Variants in IL15 observed in about 807,000 individuals in gnomAD.
IL15 encodes the protein interleukin-15.
A neutral mutation model predicts 19.6 loss-of-function variants in IL15; 11 were observed. That is an observed-to-expected ratio of 0.56 (90% CI 0.35 to 0.93). IL15 has a LOEUF of 0.93. IL15 is among the 40% of genes least tolerant of loss of function. IL15 has a pLI of 0.01. For synonymous variants in IL15, 58 were observed against 59.6 expected, an observed-to-expected ratio of 0.97 and a Z score of 0.12; for missense variants, 197 against 186.5, an observed-to-expected ratio of 1.06 and a Z score of -0.33.
At chr4:141,636,781 G>A (rs1425801874) in intron 1 of IL15, 33 bp downstream of exon 1, 1 of 152,336 alleles carries the variant, frequency 6.6e-6, no homozygotes, top group Non-Finnish European at 1.5e-5. Flanking sequence ...CTTGGGAGGG[G>A]AGTGGTGGTG....
At chr4:141,655,850 CAT>C (rs916906037) in intron 1 of IL15, among the ~76,000 whole-genome samples, 1 of 152,148 alleles carries the variant, frequency 6.6e-6, no homozygotes, top group Non-Finnish European at 1.5e-5. Flanking sequence ...CACTTGACAT[CAT>C]GTGTGCTTTG....
chr4:141,724,839 C>A (rs1018408595), intron 5 of IL15, among the ~76,000 whole-genome samples: 2 of 152,114 alleles, frequency 1.3e-5, no homozygotes, highest in Non-Finnish European at 2.9e-5. Flanking sequence ...TTCAAGCCTG[C>A]TGGTTACACT....
chr4:141,682,931 G>A (rs1728581657), intron 2 of IL15, among the ~76,000 whole-genome samples: 1 of 151,780 alleles, frequency 6.6e-6, no homozygotes, highest in Non-Finnish European at 1.5e-5. Context: ...CAACCTGGGC[G>A]ACAAAGCGAG....
At chr4:141,664,348 C>CAG (rs750125961) in intron 2 of IL15, among the ~76,000 whole-genome samples, 1 of 119,414 alleles carries the variant, frequency 8.4e-6, no homozygotes, top group Non-Finnish European at 1.7e-5. Context: ...GCAAAACACA[C>CAG]ACACACACAC....
rs1264675935 is a variant in IL15, at chr4:141,733,014, A to G, written c.*166A>G. 2 of 1,084,486 alleles carry G rather than the reference A, an allele frequency of 1.8e-6. No homozygotes were observed. The highest frequency in any genetic ancestry group is 2.0e-5 in the South Asian group (1 of 49,530). The allele number at this position is 1,084,486 out of a possible 1,614,324, so 67.2% of individuals were successfully genotyped here. ...TGAACTCTTAGAAATGAAGGCAGAA[A>G]AATGTCATTGAGTAATATAGTGACT... On this transcript the variant is annotated 3_prime_UTR_variant, in exon 8 of 8. Coordinates refer to ENST00000320650, the MANE Select transcript of IL15 (RefSeq NM_000585.5).
chr4:141,723,294 A>G (rs186571863), intron 5 of IL15, among the ~76,000 whole-genome samples: 1 of 152,322 alleles, frequency 6.6e-6, no homozygotes, highest in Non-Finnish European at 1.5e-5. Flanking sequence ...AATTAATGAA[A>G]TTAAGATGAG....
chr4:141,722,291 T>C (rs1730115514), intron 5 of IL15, among the ~76,000 whole-genome samples: 2 of 152,174 alleles, frequency 1.3e-5, no homozygotes, highest in African/African-American at 4.8e-5. Context: ...TGGTGGCACC[T>C]GCAGGGAGAA....
rs542154266 is a variant in IL15, at chr4:141,732,923, C to T, written c.*75C>T. 8.7e-5 allele frequency: 133 copies of T among 1,530,876 alleles called. No homozygotes were observed. The highest frequency in any genetic ancestry group is 4.4e-4 in the South Asian group (34 of 76,598). 94.8% of individuals were successfully genotyped at this position (1,530,876 alleles called of 1,614,324 possible). A position where few individuals can be genotyped will look rare whatever the true frequency, so the allele number is the denominator to read the frequency against. On this transcript the variant is annotated 3_prime_UTR_variant, in exon 8 of 8. Coordinates refer to ENST00000320650, the MANE Select transcript of IL15 (RefSeq NM_000585.5). ...TGCTGCTTAGACATAACAAAACACT[C>T]GGCATTTCAAATGTGCTGTCAAAAC...
At chr4:141,721,626 C>G in intron 4 of IL15, 2 of 523,188 alleles carry the variant, frequency 3.8e-6, no homozygotes, top group Non-Finnish European at 7.0e-6. Context: ...TGCCACACAT[C>G]TGGCACTGCT....
chr4:141,693,466 T>G (rs920333209), intron 2 of IL15, among the ~76,000 whole-genome samples: 12 of 152,210 alleles, frequency 7.9e-5, no homozygotes, highest in Admixed American at 5.9e-4. Context: ...ATACGGGATA[T>G]TCAGTAAATA....
At chr4:141,637,610 T>C (rs1464479703) in intron 1 of IL15, among the ~76,000 whole-genome samples, 2 of 152,184 alleles carry the variant, frequency 1.3e-5, no homozygotes, top group African/African-American at 4.8e-5. Flanking sequence ...TATAGTTCAT[T>C]TGACTTTATG....
At chr4:141,685,111 C>A (rs186763349) in intron 2 of IL15, among the ~76,000 whole-genome samples, 1 of 151,974 alleles carries the variant, frequency 6.6e-6, no homozygotes, top group Non-Finnish European at 1.5e-5. Flanking sequence ...ATGTACGTTG[C>A]GATGTTATAC....
At chr4:141,651,497 T>C (rs972590919) in intron 1 of IL15, among the ~76,000 whole-genome samples, 1 of 152,078 alleles carries the variant, frequency 6.6e-6, no homozygotes, top group Admixed American at 6.6e-5. Context: ...ATTATTCTGG[T>C]GATGGTTACA....
chr4:141,693,070 A>C (rs970529290), intron 2 of IL15, among the ~76,000 whole-genome samples: 6 of 142,548 alleles, frequency 4.2e-5, no homozygotes, highest in Non-Finnish European at 7.5e-5. Context: ...GGTAGTTTAT[A>C]AATCAAAGAG....
chr4:141,702,139 A>T (rs1372111698), intron 2 of IL15, among the ~76,000 whole-genome samples: 1 of 152,170 alleles, frequency 6.6e-6, no homozygotes, highest in South Asian at 2.1e-4. Flanking sequence ...GACTTTCTCT[A>T]TTGTGCCCAG....
At position 141,648,463 on chromosome 4, in the gene IL15, C is replaced by T. The variant is rs576599342; in HGVS notation, c.-221-7723C>T. Among the ~76,000 whole-genome samples, 256 of 151,770 alleles carry T rather than the reference C, an allele frequency of 1.7e-3. 1 individual carries two copies. Among genetic ancestry groups the T allele is most frequent in the Non-Finnish European group, 1.9e-3 (126 of 67,900 alleles). ...CTTTCATTTTCTTTATTTTATTTGC[C>T]GAGTATTTTGAGAAGTTATTTCAGT... On this transcript the variant is annotated intron_variant, in intron 1 of 7. Coordinates refer to ENST00000320650, the MANE Select transcript of IL15 (RefSeq NM_000585.5).
intron 2 of IL15, among the ~76,000 whole-genome samples, chr4:141,670,655 A>C (rs1423306170): frequency 1.3e-5 from 2 of 152,220 alleles, no homozygotes; most frequent in Admixed American, 1.3e-4. Context: ...TACAACCTAG[A>C]AATTATTTTA....
intron 1 of IL15, among the ~76,000 whole-genome samples, chr4:141,651,688 A>C (rs1164734075): frequency 1.3e-5 from 2 of 151,712 alleles, no homozygotes; most frequent in Admixed American, 6.6e-5. Flanking sequence ...TTGTATTCCA[A>C]CCCGGATGAT....
At chr4:141,681,490 A>G (rs929580345) in intron 2 of IL15, among the ~76,000 whole-genome samples, 2 of 152,202 alleles carry the variant, frequency 1.3e-5, no homozygotes, top group African/African-American at 4.8e-5. Context: ...CTGTGTCTTG[A>G]TGCCTCATGA....
Sources: allele counts gnomAD v4.1 joint callset (sites outside exome capture counted in the v4.1 genomes callset), GRCh38; gene constraint gnomAD v4.1.1; transcripts MANE v1.5; gene names NCBI Gene and HGNC (gene_info 2026-07-23, HGNC 2026-07-21).